The following KDM4C variants were observed in gnomAD, a reference collection of about 807,000 sequenced individuals.
KDM4C encodes lysine-specific demethylase 4C.
Under a neutral mutation model 129.3 loss-of-function variants are expected in KDM4C, and 81 were observed. That is an observed-to-expected ratio of 0.63 (90% confidence interval 0.52 to 0.75). KDM4C has a LOEUF of 0.75. KDM4C is among the 30% of genes least tolerant of loss of function. KDM4C has a pLI of 0.00. For synonymous variants in KDM4C, 573 were observed against 456.1 expected (o/e 1.26, Z -3.26); for missense variants, 1,457 against 1,304.0 (o/e 1.12, Z -1.81).
intron 17 of KDM4C, among the ~76,000 whole-genome samples, chr9:7,103,204 C>G (rs1364394886): frequency 6.6e-6 from 1 of 152,166 alleles, no homozygotes; most frequent in African/African-American, 2.4e-5. Flanking sequence ...CTTTGGAAAA[C>G]TTAACTTGCC....
In KDM4C at chr9:6,816,013, G is replaced by C. The variant is rs187677696; in HGVS notation, c.435+1268G>C. On this transcript the variant is annotated intron_variant, in intron 4 of 21. Coordinates refer to ENST00000381309, the MANE Select transcript of KDM4C (RefSeq NM_015061.6). ...TTTAACATTTATATAATATTATCTAGTGTATAGACCATATTCAAATTTTCC... is the reference window on the plus strand; with the variant it reads ...TTTAACATTTATATAATATTATCTACTGTATAGACCATATTCAAATTTTCC... Among the ~76,000 whole-genome samples, 12 of 152,124 alleles carry C rather than the reference G, an allele frequency of 7.9e-5. No individual in the cohort carries two copies. In the East Asian group the frequency reaches 2.3e-3, roughly 29 times the overall value.
intron 20 of KDM4C, among the ~76,000 whole-genome samples, chr9:7,166,454 GTGTATGTGTGTC>G (rs1844397832): frequency 6.6e-6 from 1 of 150,832 alleles, no homozygotes; most frequent in African/African-American, 2.4e-5. Context: ...GTGTGTATGT[GTGTATGTGTGTC>G]TGTGTGTGTA....
chr9:6,825,435 G>C lies in KDM4C; in HGVS notation c.435+10690G>C, dbSNP rs1833729908. The stretch of plus-strand genomic sequence containing the variant: ...ATCTATTGCACATAGATGATGCAGA[G>C]ATCTTAGGGCAAGGTAACTGTGTTC... On this transcript the variant is annotated intron_variant, in intron 4 of 21. Transcript: ENST00000381309. 2.6e-5 allele frequency among the ~76,000 whole-genome samples: 4 copies of C among 152,196 alleles called. No homozygotes were observed. In the South Asian group the frequency reaches 8.3e-4, roughly 31 times the overall value.
At chr9:6,959,227 G>A (rs1326375618) in intron 8 of KDM4C, among the ~76,000 whole-genome samples, 1 of 152,176 alleles carries the variant, frequency 6.6e-6, no homozygotes, top group African/African-American at 2.4e-5. Flanking sequence ...TTTATCGTCT[G>A]TTTGAAATCC....
At position 7,175,061 on chromosome 9, in the gene KDM4C, G is replaced by A. The variant is rs958761160; in HGVS notation, c.*332G>A. On this transcript the variant is annotated 3_prime_UTR_variant, in exon 22 of 22. Coordinates refer to ENST00000381309, the MANE Select transcript of KDM4C (RefSeq NM_015061.6). ...ACAGAGGAGGCGGGTCCCCTTGTGC[G>A]GCTTAGGGCCCTGTCAGGAAACACA... 8.7e-5 allele frequency: 17 copies of A among 196,520 alleles called. No individual in the cohort carries two copies. Among genetic ancestry groups the A allele is most frequent in the African/African-American group, 3.4e-4 (15 of 43,764 alleles). The allele number at this position is 196,520 out of a possible 1,614,324, so 12.2% of individuals were successfully genotyped here.
At chr9:7,000,037 A>C (rs1820446211) in intron 12 of KDM4C, among the ~76,000 whole-genome samples, 2 of 152,232 alleles carry the variant, frequency 1.3e-5, no homozygotes, top group African/African-American at 4.8e-5. Context: ...ATGTTTGTTG[A>C]TAGGTCACAG....
intron 8 of KDM4C, chr9:6,925,619 G>C (rs1822349644): frequency 1.0e-6 from 1 of 985,286 alleles, no homozygotes; most frequent in Non-Finnish European, 1.2e-6. Flanking sequence ...AACCGTCTTG[G>C]CTTGTTTACC....
chr9:6,868,817 A>G (rs926244856), intron 5 of KDM4C, among the ~76,000 whole-genome samples: 2 of 152,084 alleles, frequency 1.3e-5, no homozygotes, highest in Non-Finnish European at 2.9e-5. Flanking sequence ...AGTATTTTGG[A>G]GAGGTCAGGA....
At position 7,115,573 on chromosome 9, in the gene KDM4C, T is replaced by A. The variant is rs1838804443; in HGVS notation, c.2610+11703T>A. On this transcript the variant is annotated intron_variant, in intron 18 of 21. Coordinates refer to ENST00000381309, the MANE Select transcript of KDM4C (RefSeq NM_015061.6). Reference sequence around the variant, plus strand: ...TGTAGAAAACAGTAATTAGATGCCATAGCCGTAATGAAAACCTTAGATACT... The same window carrying A: ...TGTAGAAAACAGTAATTAGATGCCAAAGCCGTAATGAAAACCTTAGATACT... 2.0e-5 allele frequency among the ~76,000 whole-genome samples: 3 copies of A among 152,206 alleles called. No homozygotes were observed. In the South Asian group the frequency reaches 6.2e-4, roughly 31 times the overall value.
Position 7,011,810 on chromosome 9 carries a change from G to A in KDM4C, c.1899G>A (p.Glu633=), listed in dbSNP as rs1185706921. 1.9e-6 allele frequency: 3 copies of A among 1,614,016 alleles called. No homozygotes were observed. Among genetic ancestry groups the A allele is most frequent in the South Asian group, 1.1e-5 (1 of 91,090 alleles). The change falls in exon 13 of 22, where the codon GAG becomes GAA. Residue 633 remains glutamate, a synonymous_variant. Transcript: ENST00000381309. ...TKSPNFAAEQ[E]YNATVARMKP... ...CCCCTAACTTCGCAGCTGAGCAAGA[G>A]TATAATGCAACAGTGGCCAGGATGA...
At chr9:6,859,791 A>C (rs12376501) in intron 5 of KDM4C, among the ~76,000 whole-genome samples, 1 of 149,302 alleles carries the variant, frequency 6.7e-6, no homozygotes, top group East Asian at 2.1e-4. Flanking sequence ...CGTGAACCTG[A>C]GATGCGGAGC....
intron 17 of KDM4C, among the ~76,000 whole-genome samples, chr9:7,099,891 T>C (rs1397372086): frequency 1.3e-5 from 2 of 152,006 alleles, no homozygotes; most frequent in African/African-American, 4.8e-5. Context: ...TTTCAATTTT[T>C]TCAATTTTAT....
intron 18 of KDM4C, among the ~76,000 whole-genome samples, chr9:7,114,085 C>G (rs987340357): frequency 2.0e-5 from 3 of 152,100 alleles, no homozygotes; most frequent in Admixed American, 6.5e-5. Flanking sequence ...TGGTTTAATA[C>G]CAGCAATTTC....
intron 2 of KDM4C, among the ~76,000 whole-genome samples, chr9:6,793,542 C>CTT (rs921927883): frequency 1.5e-5 from 2 of 137,676 alleles, no homozygotes. Flanking sequence ...TTCTTTCTTT[C>CTT]TTTTTTTTTT....
intron 1 of KDM4C, among the ~76,000 whole-genome samples, chr9:6,746,814 C>A (rs1430127375): frequency 6.7e-6 from 1 of 149,298 alleles, no homozygotes; most frequent in Admixed American, 6.7e-5. Flanking sequence ...CGAGACCATC[C>A]TGGCTAACAC....
At chr9:6,879,952 C>T in intron 5 of KDM4C, 60 bp from the exon 6 acceptor site, 1 of 799,476 alleles carries the variant, frequency 1.3e-6, no homozygotes, top group East Asian at 2.6e-5. Context: ...AATAGATGTC[C>T]TTAGGCTACT....
chr9:6,776,240 T>A (rs150834600), intron 1 of KDM4C, among the ~76,000 whole-genome samples: 151 of 152,238 alleles, frequency 9.9e-4, no homozygotes, highest in African/African-American at 3.4e-3. Flanking sequence ...TTTACAGGTG[T>A]ATGCCACCAT....
chr9:7,164,617 G>C (rs1844176847), intron 19 of KDM4C, among the ~76,000 whole-genome samples: 1 of 152,146 alleles, frequency 6.6e-6, no homozygotes, highest in Non-Finnish European at 1.5e-5. Context: ...CCGTGCTGCA[G>C]GTGCTCCTGT....
intron 8 of KDM4C, among the ~76,000 whole-genome samples, chr9:6,973,346 C>T (rs1233106026): frequency 1.3e-5 from 2 of 152,138 alleles, no homozygotes; most frequent in Admixed American, 1.3e-4. Flanking sequence ...CACCCAGCCC[C>T]TGACCATATT....
Sources: gnomAD v4.1 joint callset for allele counts (sites outside exome capture counted in the v4.1 genomes callset) on GRCh38, gnomAD v4.1.1 for gene constraint, MANE v1.5 for transcripts, NCBI Gene and HGNC (gene_info 2026-07-23, HGNC 2026-07-21) for gene names.